Variants in HFM1 observed in about 807,000 individuals in gnomAD.
The protein encoded by HFM1 is helicase for meiosis 1.
Under a neutral mutation model 192.1 loss-of-function variants are expected in HFM1, and 169 were observed. The ratio of observed to expected loss-of-function variants is 0.88; its 90% CI spans 0.78 to 1.00. The LOEUF is 1.00. Ranked by LOEUF, HFM1 falls within the 50% of genes least tolerant of loss-of-function variation. The pLI is 0.00. For synonymous variants in HFM1, 525 were observed against 537.8 expected (o/e 0.98, Z 0.33); for missense variants, 1,661 against 1,668.0 (o/e 1.00, Z 0.07).
At chr1:91,302,145 A>C (rs1298953492) in intron 30 of HFM1, among the ~76,000 whole-genome samples, 1 of 151,320 alleles carries the variant, frequency 6.6e-6, no homozygotes, top group African/African-American at 2.4e-5. Flanking sequence ...CACTTCTCAA[A>C]AGAAGACATT....
intron 11 of HFM1, among the ~76,000 whole-genome samples, chr1:91,376,008 A>AAATT (rs66658313): frequency 1 from 151,724 of 151,908 alleles, 75,770 homozygotes; most frequent in East Asian, 1. Context: ...ATCCAAAGAA[A>AAATT]AATTATCAAT....
chr1:91,292,480 G>A (rs956063376), intron 30 of HFM1, among the ~76,000 whole-genome samples: 1 of 150,614 alleles, frequency 6.6e-6, no homozygotes, highest in East Asian at 1.9e-4. Context: ...AAATACCTAG[G>A]AATCCAACTT....
chr1:91,299,575 A>C (rs1648325700), intron 30 of HFM1, among the ~76,000 whole-genome samples: 2 of 152,200 alleles, frequency 1.3e-5, no homozygotes, highest in Non-Finnish European at 2.9e-5. Context: ...AGAAATTATA[A>C]CAAACTGTCT....
At chr1:91,319,866 G>A (rs1651829074) in intron 23 of HFM1, among the ~76,000 whole-genome samples, 1 of 152,132 alleles carries the variant, frequency 6.6e-6, no homozygotes, top group Non-Finnish European at 1.5e-5. Context: ...CTTATTAAGT[G>A]CCAGGCATAG....
chr1:91,267,288 T>C (rs1269350974), intron 35 of HFM1, among the ~76,000 whole-genome samples: 1 of 152,166 alleles, frequency 6.6e-6, no homozygotes, highest in African/African-American at 2.4e-5. Context: ...TTAACTTATT[T>C]ATTTACTTCA....
In HFM1 at chr1:91,261,071, T is replaced by C. The variant is rs759412657; in HGVS notation, c.*219A>G. ...AATCAGCCCTTAACTTAAGGGCTTA[T>C]TGAAACAAAGCCACTGTAAAAGAGC... On this transcript the variant is annotated 3_prime_UTR_variant, in exon 39 of 39. Coordinates refer to ENST00000370425, the MANE Select transcript of HFM1 (RefSeq NM_001017975.6). The C allele has an allele frequency of 1.3e-4, 41 of 314,622 alleles. No individual in the cohort carries two copies. The highest frequency in any genetic ancestry group is 5.5e-4 in the Admixed American group (11 of 19,852). The allele number at this position is 314,622 out of a possible 1,614,324, so 19.5% of individuals were successfully genotyped here.
chr1:91,300,112 A>G (rs1445458387), intron 30 of HFM1, among the ~76,000 whole-genome samples: 1 of 152,180 alleles, frequency 6.6e-6, no homozygotes, highest in East Asian at 1.9e-4. Context: ...ATCACCACCG[A>G]TCCCACAGAA....
At chr1:91,355,627 A>G (rs1413865670) in intron 13 of HFM1, among the ~76,000 whole-genome samples, 1 of 152,198 alleles carries the variant, frequency 6.6e-6, no homozygotes, top group African/African-American at 2.4e-5. Context: ...AAAGAAGGTC[A>G]TAATTTAACG....
chr1:91,401,113 C>T lies in HFM1; in HGVS notation c.-27-4G>A, dbSNP rs184842858. 1.6e-6 allele frequency: 2 copies of T among 1,245,254 alleles called. No individual in the cohort carries two copies. The highest frequency in any genetic ancestry group is 2.7e-5 in the South Asian group (2 of 73,208). The allele number at this position is 1,245,254 out of a possible 1,614,324, so 77.1% of individuals were successfully genotyped here. On this transcript the variant is annotated splice_region_variant and splice_polypyrimidine_tract_variant and intron_variant, in intron 1 of 38. Transcript: ENST00000370425. ...AAAACTGGACTTTGTCATAAATCTA[C>T]AAAATATGGAAAAAGTAGTTTATAT...
intron 30 of HFM1, among the ~76,000 whole-genome samples, chr1:91,307,842 CTCT>C (rs1649868534): frequency 6.6e-6 from 1 of 150,702 alleles, no homozygotes; most frequent in Non-Finnish European, 1.5e-5. Context: ...CTCTTTCTTT[CTCT>C]TCTTTCTCTT....
At chr1:91,301,131 T>C (rs1404523106) in intron 30 of HFM1, among the ~76,000 whole-genome samples, 1 of 152,090 alleles carries the variant, frequency 6.6e-6, no homozygotes, top group Non-Finnish European at 1.5e-5. Flanking sequence ...AGCATTCTTA[T>C]ACACCAATAA....
chr1:91,353,122 T>A lies in HFM1; in HGVS notation c.1760A>T (p.His587Leu). The A allele has an allele frequency of 6.2e-7, 1 of 1,611,086 alleles. No individual in the cohort carries two copies. Among genetic ancestry groups the A allele is most frequent in the South Asian group, 1.1e-5 (1 of 90,882 alleles). ...TCTATCTGACAGCTCCATACCAGCA[T>A]GATGATAAGCAGCACCATCTTTTAA... ...DILKDGAAYHHAGMELSDRKV... is the reference protein window; with the variant it reads ...DILKDGAAYHLAGMELSDRKV... The change falls in exon 15 of 39, where the codon CAT becomes CTT. Residue 587 changes from histidine (H) to leucine (L), a missense_variant. By Grantham distance (99) the His-to-Leu change is moderately conservative (BLOSUM62 -3). Coordinates refer to ENST00000370425, the MANE Select transcript of HFM1 (RefSeq NM_001017975.6).
intron 15 of HFM1, 29 bp from the exon 16 acceptor site, chr1:91,352,680 G>A (rs751633806): frequency 6.5e-7 from 1 of 1,532,426 alleles, no homozygotes. Flanking sequence ...TAGTAATTTT[G>A]AGCCATTTAA....
At chr1:91,283,505 G>A (rs1003708483) in intron 30 of HFM1, among the ~76,000 whole-genome samples, 1 of 152,010 alleles carries the variant, frequency 6.6e-6, no homozygotes, top group Non-Finnish European at 1.5e-5. Flanking sequence ...CACCCACTTC[G>A]GCCTCCCAAA....
intron 4 of HFM1, among the ~76,000 whole-genome samples, chr1:91,386,142 T>A (rs530477935): frequency 8.5e-5 from 13 of 152,320 alleles, no homozygotes; most frequent in Middle Eastern, 3.4e-3. Context: ...CTGGCCTGTC[T>A]AACTAGCAGA....
Position 91,262,599 on chromosome 1 carries a change from A to G in HFM1, c.3975-7T>C. ...CTCATGTGATGAAACAAAACTAAAA[A>G]TTAAAATTAATTATTTGTAAAATAC... On this transcript the variant is annotated splice_polypyrimidine_tract_variant and splice_region_variant and intron_variant, in intron 36 of 38. Transcript: ENST00000370425. 6.9e-7 allele frequency: 1 copy of G among 1,450,420 alleles called. No homozygotes were observed. Among genetic ancestry groups the G allele is most frequent in the Non-Finnish European group, 9.6e-7 (1 of 1,042,418 alleles). 89.8% of individuals were successfully genotyped at this position (1,450,420 alleles called of 1,614,324 possible). A position where few individuals can be genotyped will look rare whatever the true frequency, so the allele number is the denominator to read the frequency against.
At chr1:91,367,674 G>C (rs930704972) in intron 13 of HFM1, among the ~76,000 whole-genome samples, 3 of 152,032 alleles carry the variant, frequency 2.0e-5, no homozygotes, top group African/African-American at 7.2e-5. Flanking sequence ...CAGAAAAACC[G>C]GAAACTCTAA....
At position 91,404,134 on chromosome 1, in the gene HFM1, G is replaced by A. The variant is rs932600788; in HGVS notation, c.-28+664C>T. On this transcript the variant is annotated intron_variant, in intron 1 of 38. Transcript: ENST00000370425. ...AAAATCAACGGGAACAAATTACTCC[G>A]AGGCTCGGCCTGGGAAAGGACCATA... Among the ~76,000 whole-genome samples the A allele has an allele frequency of 5.9e-5, 9 of 152,338 alleles. No homozygotes were observed. In the East Asian group the frequency reaches 1.4e-3, roughly 23 times the overall value.
intron 23 of HFM1, among the ~76,000 whole-genome samples, chr1:91,320,328 A>G (rs1254045113): frequency 1.3e-5 from 2 of 152,234 alleles, no homozygotes; most frequent in Non-Finnish European, 2.9e-5. Flanking sequence ...TACAGCTGAA[A>G]TTTAAACTAT....
Sources: gnomAD v4.1 joint callset for allele counts (sites outside exome capture counted in the v4.1 genomes callset) on GRCh38, gnomAD v4.1.1 for gene constraint, MANE v1.5 for transcripts, NCBI Gene and HGNC (gene_info 2026-07-23, HGNC 2026-07-21) for gene names.